LRRC4C: variants seen among roughly 807,000 people sequenced by gnomAD.
LRRC4C encodes leucine rich repeat containing 4C.
LRRC4C carries 5 observed loss-of-function variants against 33.6 expected under a neutral mutation model. That is an observed-to-expected ratio of 0.15 (90% CI 0.08 to 0.31). LRRC4C has a LOEUF of 0.31. Among genes scored for constraint, LRRC4C ranks in the 10% least tolerant of loss-of-function variants. The pLI, the probability that LRRC4C is intolerant of heterozygous loss-of-function variation, is 1.00. For missense variants in LRRC4C, 560 were observed against 796.7 expected (o/e 0.70, Z 3.58); for synonymous variants, 329 against 302.0 (o/e 1.09, Z -0.93).
intron 3 of LRRC4C, among the ~76,000 whole-genome samples, chr11:40,614,322 C>A (rs185002859): frequency 6.6e-6 from 1 of 151,950 alleles, no homozygotes; most frequent in African/African-American, 2.4e-5. Flanking sequence ...CCTTGCATTC[C>A]TTTGTTATGA....
intron 1 of LRRC4C, among the ~76,000 whole-genome samples, chr11:41,004,551 G>A (rs371785475): frequency 4.6e-5 from 7 of 152,112 alleles, no homozygotes; most frequent in South Asian, 2.1e-4. Flanking sequence ...AAAAATTTAC[G>A]TATGTAACTA....
chr11:40,633,363 TTCTTTCTTTC>T (rs1963654597), intron 3 of LRRC4C, among the ~76,000 whole-genome samples: 1 of 46,560 alleles, frequency 2.1e-5, no homozygotes, highest in African/African-American at 1.2e-4. Context: ...CTTTCTTTCT[TTCTTTCTTTC>T]TCTCTCTTTC....
chr11:40,950,447 A>G (rs1178427594), intron 1 of LRRC4C, among the ~76,000 whole-genome samples: 1 of 152,060 alleles, frequency 6.6e-6, no homozygotes, highest in African/African-American at 2.4e-5. Context: ...CAAATTTTCA[A>G]ATATATGTGC....
At chr11:40,930,328 C>T (rs968884324) in intron 2 of LRRC4C, among the ~76,000 whole-genome samples, 1 of 152,182 alleles carries the variant, frequency 6.6e-6, no homozygotes, top group Non-Finnish European at 1.5e-5. Context: ...CTAGGACTTC[C>T]TAATGGCCAA....
At chr11:40,243,623 A>G (rs1866090217) in intron 4 of LRRC4C, among the ~76,000 whole-genome samples, 1 of 151,318 alleles carries the variant, frequency 6.6e-6, no homozygotes, top group Admixed American at 6.6e-5. Context: ...GATCACTTAA[A>G]TTTTATATAA....
At chr11:40,645,460 A>G (rs968039708) in intron 3 of LRRC4C, among the ~76,000 whole-genome samples, 3 of 152,170 alleles carry the variant, frequency 2.0e-5, no homozygotes, top group Non-Finnish European at 4.4e-5. Context: ...CTGTTTGCCA[A>G]TACAGGGATA....
At chr11:40,456,892 C>T (rs560126664) in intron 3 of LRRC4C, among the ~76,000 whole-genome samples, 15 of 143,160 alleles carry the variant, frequency 1.0e-4, no homozygotes, top group African/African-American at 3.1e-4. Flanking sequence ...GAGATAAGGG[C>T]GGGAGGGGAA....
intron 2 of LRRC4C, among the ~76,000 whole-genome samples, chr11:40,874,519 A>T (rs1239275047): frequency 6.6e-6 from 1 of 152,116 alleles, no homozygotes; most frequent in African/African-American, 2.4e-5. Context: ...ATGTCACATC[A>T]TGCCTCCCAC....
chr11:41,033,991 T>C (rs1365968026), intron 1 of LRRC4C, among the ~76,000 whole-genome samples: 1 of 152,058 alleles, frequency 6.6e-6, no homozygotes, highest in Non-Finnish European at 1.5e-5. Context: ...ATTGATGTTA[T>C]TGAGTTGATA....
chr11:40,280,676 G>T (rs1414548163), intron 4 of LRRC4C, among the ~76,000 whole-genome samples: 1 of 152,116 alleles, frequency 6.6e-6, no homozygotes, highest in African/African-American at 2.4e-5. Context: ...AAGAGAGTGG[G>T]CTCACTCATA....
chr11:40,372,087 A>G (rs977086424), intron 3 of LRRC4C, among the ~76,000 whole-genome samples: 4 of 152,292 alleles, frequency 2.6e-5, no homozygotes, highest in Middle Eastern at 3.4e-3. Flanking sequence ...TGTTCAGGAA[A>G]CTACCAGCCT....
At chr11:40,434,268 A>G (rs1340106731) in intron 3 of LRRC4C, among the ~76,000 whole-genome samples, 1 of 152,180 alleles carries the variant, frequency 6.6e-6, no homozygotes, top group Non-Finnish European at 1.5e-5. Flanking sequence ...AATATATGTT[A>G]TTATTATACT....
At chr11:40,673,251 G>A (rs1287572417) in intron 2 of LRRC4C, among the ~76,000 whole-genome samples, 3 of 152,088 alleles carry the variant, frequency 2.0e-5, no homozygotes, top group East Asian at 3.9e-4. Flanking sequence ...AAAATATTAG[G>A]AGAAGGGCAG....
intron 1 of LRRC4C, among the ~76,000 whole-genome samples, chr11:41,230,931 AC>A (rs1947762996): frequency 6.6e-6 from 1 of 151,412 alleles, no homozygotes; most frequent in Non-Finnish European, 1.5e-5. Flanking sequence ...AAACCAAACA[AC>A]CCCATCAACA....
At chr11:41,279,764 T>A (rs1218431561) in intron 1 of LRRC4C, among the ~76,000 whole-genome samples, 1 of 152,134 alleles carries the variant, frequency 6.6e-6, no homozygotes, top group Non-Finnish European at 1.5e-5. Context: ...AACATCAGAA[T>A]TGGAAAATAT....
At chr11:40,212,157 A>T (rs1863648312) in intron 5 of LRRC4C, among the ~76,000 whole-genome samples, 1 of 152,188 alleles carries the variant, frequency 6.6e-6, no homozygotes, top group Non-Finnish European at 1.5e-5. Context: ...TAAATGTGGA[A>T]ACCATGTTTC....
rs547598750 is a variant in LRRC4C, at chr11:40,144,667, G to A, written c.-95-3814C>T. Among the ~76,000 whole-genome samples the A allele has an allele frequency of 2.6e-5, 4 of 152,270 alleles. 1 individual carries two copies. In the South Asian group the frequency reaches 8.3e-4, roughly 32 times the overall value. Reference sequence around the variant, plus strand: ...GACCCTCAACAAATATAGGAGGAAGGCGAATGAGATTATAATTTTTCATTT... The same window carrying A: ...GACCCTCAACAAATATAGGAGGAAGACGAATGAGATTATAATTTTTCATTT... On this transcript the variant is annotated intron_variant, in intron 5 of 6. Coordinates refer to ENST00000528697, the MANE Select transcript of LRRC4C (RefSeq NM_001258419.2).
intron 1 of LRRC4C, among the ~76,000 whole-genome samples, chr11:41,230,051 A>G (rs1297946382): frequency 6.6e-6 from 1 of 152,004 alleles, no homozygotes; most frequent in African/African-American, 2.4e-5. Context: ...CATATCTCTG[A>G]CTACATATTC....
chr11:41,062,758 C>T (rs1418835175), intron 1 of LRRC4C, among the ~76,000 whole-genome samples: 2 of 152,056 alleles, frequency 1.3e-5, no homozygotes, highest in East Asian at 1.9e-4. Context: ...GAGGTCATGC[C>T]GGAATTGGCT....
Sources: allele counts gnomAD v4.1 joint callset (sites outside exome capture counted in the v4.1 genomes callset), GRCh38; gene constraint gnomAD v4.1.1; transcripts MANE v1.5; gene names NCBI Gene and HGNC (gene_info 2026-07-23, HGNC 2026-07-21).